The following MAGI2 variants were observed in gnomAD, a reference collection of about 807,000 sequenced individuals.
MAGI2 encodes membrane-associated guanylate kinase, WW and PDZ domain-containing protein 2.
In MAGI2, 35 loss-of-function variants were observed where a neutral mutation model predicts 133.3. The observed-to-expected ratio is 0.26, with a 90% CI of 0.20 to 0.35. The LOEUF (loss-of-function observed/expected upper bound fraction) is 0.35. MAGI2 is among the 10% of genes least tolerant of loss of function. The pLI, the probability that MAGI2 is intolerant of heterozygous loss-of-function variation, is 1.00. For missense variants in MAGI2, 1,636 were observed against 1,863.4 expected (o/e 0.88, Z 2.25); for synonymous variants, 729 against 710.6 (o/e 1.03, Z -0.41).
chr7:78,895,331 C>G (rs1417748529), intron 2 of MAGI2, among the ~76,000 whole-genome samples: 1 of 152,062 alleles, frequency 6.6e-6, no homozygotes, highest in African/African-American at 2.4e-5. Flanking sequence ...CTGTTAGAAA[C>G]AAATTTTTTT....
In MAGI2 at chr7:78,867,696, T is replaced by TAAAGAAAG. The variant is rs142730742; in HGVS notation, c.418+139386_418+139393dup. ...CCTAAAACTTAAAGTATAATAATAA[T>TAAAGAAAG]AAAGAAAGAAAGAAAGAAAGAAAGA... On this transcript the variant is annotated intron_variant, in intron 2 of 21. Coordinates refer to ENST00000354212, the MANE Select transcript of MAGI2 (RefSeq NM_012301.4). 1.0e-3 allele frequency among the ~76,000 whole-genome samples: 153 copies of TAAAGAAAG among 149,730 alleles called. 1 individual carries two copies. The highest frequency in any genetic ancestry group is 3.4e-3 in the Middle Eastern group (1 of 290).
Position 78,707,737 on chromosome 7 carries a change from T to C in MAGI2, c.419-80498A>G, listed in dbSNP as rs151027439. 1.3e-3 allele frequency among the ~76,000 whole-genome samples: 197 copies of C among 152,218 alleles called. 3 individuals are homozygous for C. In the East Asian group the frequency reaches 0.035, roughly 27 times the overall value. On this transcript the variant is annotated intron_variant, in intron 2 of 21. Transcript: ENST00000354212. Reference sequence around the variant, plus strand: ...CCATCTGGTCCCTAATATCTTTTTGTGTTTATTGCTTTAATGAGATAATCT... The same window carrying C: ...CCATCTGGTCCCTAATATCTTTTTGCGTTTATTGCTTTAATGAGATAATCT...
intron 2 of MAGI2, among the ~76,000 whole-genome samples, chr7:78,870,133 C>T (rs1794909523): frequency 1.3e-5 from 2 of 151,842 alleles, no homozygotes; most frequent in African/African-American, 4.8e-5. Context: ...ATAACCTCAT[C>T]AAAAAGTGGG....
At chr7:78,515,734 T>C (rs1584467221) in intron 4 of MAGI2, among the ~76,000 whole-genome samples, 1 of 152,046 alleles carries the variant, frequency 6.6e-6, no homozygotes, top group Admixed American at 6.6e-5. Flanking sequence ...ACCCCATCTC[T>C]ACTAAAAATA....
chr7:78,482,126 A>G (rs978604159), intron 6 of MAGI2, among the ~76,000 whole-genome samples: 1 of 151,956 alleles, frequency 6.6e-6, no homozygotes, highest in African/African-American at 2.4e-5. Context: ...TATAGATATG[A>G]CAAATAATCA....
intron 6 of MAGI2, among the ~76,000 whole-genome samples, chr7:78,478,178 C>T (rs1046302463): frequency 1.3e-5 from 2 of 151,626 alleles, no homozygotes; most frequent in Non-Finnish European, 2.9e-5. Context: ...ATTTGGTATG[C>T]GGAAAACCAA....
intron 2 of MAGI2, among the ~76,000 whole-genome samples, chr7:78,877,146 T>C (rs1364321995): frequency 1.3e-5 from 2 of 152,230 alleles, no homozygotes; most frequent in Non-Finnish European, 2.9e-5. Flanking sequence ...CACCTTAGAA[T>C]ACACACTTTT....
At chr7:78,083,832 G>A (rs1816327047) in intron 20 of MAGI2, among the ~76,000 whole-genome samples, 2 of 152,210 alleles carry the variant, frequency 1.3e-5, no homozygotes, top group Admixed American at 6.5e-5. Flanking sequence ...CAAGGCAGGA[G>A]AAGGCAAACA....
At chr7:79,345,195 A>G (rs983392045) in intron 1 of MAGI2, among the ~76,000 whole-genome samples, 1 of 152,062 alleles carries the variant, frequency 6.6e-6, no homozygotes, top group Non-Finnish European at 1.5e-5. Flanking sequence ...CCCCAATCCA[A>G]TATAACTCAT....
At chr7:78,052,486 G>T (rs923302003) in intron 21 of MAGI2, among the ~76,000 whole-genome samples, 1 of 152,156 alleles carries the variant, frequency 6.6e-6, no homozygotes, top group East Asian at 1.9e-4. Context: ...GCAGAACCAC[G>T]AGCCAAATAA....
chr7:78,849,404 T>G (rs1792928762), intron 2 of MAGI2, among the ~76,000 whole-genome samples: 1 of 152,028 alleles, frequency 6.6e-6, no homozygotes, highest in Admixed American at 6.6e-5. Flanking sequence ...GTTGGATACA[T>G]ACAATCTAAT....
intron 6 of MAGI2, among the ~76,000 whole-genome samples, chr7:78,382,888 C>T (rs1053087195): frequency 6.6e-6 from 1 of 152,056 alleles, no homozygotes; most frequent in Non-Finnish European, 1.5e-5. Flanking sequence ...GCTTACTCCA[C>T]GTAAGATAAT....
At chr7:78,402,824 G>A (rs1797012437) in intron 6 of MAGI2, among the ~76,000 whole-genome samples, 1 of 152,036 alleles carries the variant, frequency 6.6e-6, no homozygotes. Context: ...ACTTGGATAA[G>A]TATATTGGTA....
intron 6 of MAGI2, among the ~76,000 whole-genome samples, chr7:78,373,590 C>A (rs367744168): frequency 1.3e-5 from 2 of 152,040 alleles, no homozygotes; most frequent in East Asian, 3.9e-4. Context: ...TTTTAAAAAC[C>A]TTTTCTTTCC....
chr7:78,596,197 A>AGGGAGGGG, intron 3 of MAGI2, among the ~76,000 whole-genome samples: 2 of 88,986 alleles, frequency 2.2e-5, no homozygotes, highest in African/African-American at 4.2e-5. Context: ...GGAGGGAGGG[A>AGGGAGGGG]GGGAAGGAAT....
chr7:78,339,536 CA>C (rs774674435), intron 9 of MAGI2, among the ~76,000 whole-genome samples: 4 of 152,208 alleles, frequency 2.6e-5, no homozygotes, highest in Non-Finnish European at 5.9e-5. Context: ...AAAATAACTA[CA>C]TTTTTTATTC....
intron 1 of MAGI2, among the ~76,000 whole-genome samples, chr7:79,145,648 T>C (rs1411046813): frequency 6.6e-6 from 1 of 152,190 alleles, no homozygotes. Flanking sequence ...CGTGTTCACA[T>C]TGTCTGTTTT....
intron 3 of MAGI2, among the ~76,000 whole-genome samples, chr7:78,579,989 G>A (rs1340261370): frequency 6.6e-6 from 1 of 152,090 alleles, no homozygotes. Context: ...ACTTGCAACT[G>A]AATGAATGAA....
intron 1 of MAGI2, among the ~76,000 whole-genome samples, chr7:79,338,798 G>C (rs1478622697): frequency 2.6e-5 from 4 of 152,114 alleles, no homozygotes; most frequent in African/African-American, 9.7e-5. Context: ...AGTGATGGGA[G>C]AGCCTCGTAG....
Sources: allele counts gnomAD v4.1 joint callset (sites outside exome capture counted in the v4.1 genomes callset), GRCh38; gene constraint gnomAD v4.1.1; transcripts MANE v1.5; gene names NCBI Gene and HGNC (gene_info 2026-07-23, HGNC 2026-07-21).